Variants in DEFB112 observed in about 807,000 individuals in gnomAD.
The protein encoded by DEFB112 is beta-defensin 112.
Under a neutral mutation model 1.1 loss-of-function variants are expected in DEFB112, and 2 were observed. The ratio of observed to expected loss-of-function variants is 1.85; its 90% CI spans 0.76 to 5.83. The LOEUF (loss-of-function observed/expected upper bound fraction) is 5.83, where lower values mean the gene tolerates loss of function less well. Among genes scored for constraint, DEFB112 ranks in the 30% most tolerant of loss-of-function variants. The probability of loss-of-function intolerance (pLI) is 0.05; values close to 1 mark genes in which losing one functional copy is unlikely to be tolerated. For synonymous variants in DEFB112, 40 were observed against 31.2 expected, an observed-to-expected ratio of 1.28 and a Z score of -0.93; for missense variants, 120 against 94.4, an observed-to-expected ratio of 1.27 and a Z score of -1.12.
In DEFB112 at chr6:50,046,221, C is replaced by CTGTGTGTGTGTG. The variant is rs3057286; in HGVS notation, c.59-2432_59-2421dup. On this transcript the variant is annotated intron_variant, in intron 1 of 1. Transcript: ENST00000651554. Reference sequence around the variant, plus strand: ...TAATTCCATCATGAATTGAGGAGCACTGTGTGTGTGTGTGTGTGTGTGTGT... The same window carrying CTGTGTGTGTGTG: ...TAATTCCATCATGAATTGAGGAGCACTGTGTGTGTGTGTGTGTGTGTGTGTGTGTGTGTGTGT... Among the ~76,000 whole-genome samples, 249 of 141,272 alleles carry CTGTGTGTGTGTG rather than the reference C, an allele frequency of 1.8e-3. 1 individual carries two copies. Among genetic ancestry groups the CTGTGTGTGTGTG allele is most frequent in the African/African-American group, 3.9e-3 (151 of 38,250 alleles). 92.7% of individuals were successfully genotyped at this position (141,272 alleles called of 152,430 possible). A position where few individuals can be genotyped will look rare whatever the true frequency, so the allele number is the denominator to read the frequency against.
intron 1 of DEFB112, among the ~76,000 whole-genome samples, chr6:50,047,871 C>G (rs974172276): frequency 2.0e-5 from 3 of 152,096 alleles, no homozygotes; most frequent in Admixed American, 1.3e-4. Context: ...CTTGGCCAGG[C>G]GTGGTGGCTC....
Position 50,044,681 on chromosome 6 carries a change from AT to A in DEFB112, c.59-881del, listed in dbSNP as rs1774804615. 2.0e-5 allele frequency among the ~76,000 whole-genome samples: 3 copies of A among 152,072 alleles called. No homozygotes were observed. The South Asian group carries it at 6.2e-4, about 32-fold the overall frequency. On this transcript the variant is annotated intron_variant, in intron 1 of 1. Transcript: ENST00000651554. ...AGCCAGGTTTTGAATCTATATAATA[AT>A]TTTTAAATTAATTAAAAAGTTTAAT...
chr6:50,047,828 T>C (rs993144044), intron 1 of DEFB112, among the ~76,000 whole-genome samples: 1 of 152,172 alleles, frequency 6.6e-6, no homozygotes, highest in Non-Finnish European at 1.5e-5. Flanking sequence ...TATCAGTATT[T>C]TGAACAGTAG....
At chr6:50,047,429 A>G (rs1774852709) in intron 1 of DEFB112, among the ~76,000 whole-genome samples, 1 of 152,172 alleles carries the variant, frequency 6.6e-6, no homozygotes, top group South Asian at 2.1e-4. Context: ...TGTGCTATCT[A>G]GGCTTGGGAG....
chr6:50,044,369 G>C (rs1447007420), intron 1 of DEFB112, among the ~76,000 whole-genome samples: 1 of 152,094 alleles, frequency 6.6e-6, no homozygotes, highest in East Asian at 1.9e-4. Flanking sequence ...ATAACCACAA[G>C]CTGTGGACAT....
At chr6:50,044,164 T>G (rs1774796563) in intron 1 of DEFB112, among the ~76,000 whole-genome samples, 1 of 152,140 alleles carries the variant, frequency 6.6e-6, no homozygotes, top group South Asian at 2.1e-4. Context: ...TGTTCTGTGG[T>G]AAATGTTCTC....
intron 1 of DEFB112, among the ~76,000 whole-genome samples, chr6:50,044,526 A>T (rs948178819): frequency 6.6e-6 from 1 of 152,082 alleles, no homozygotes; most frequent in East Asian, 1.9e-4. Context: ...TGTAACTTCC[A>T]CAAGTATAAG....
intron 1 of DEFB112, among the ~76,000 whole-genome samples, chr6:50,046,300 T>G (rs1759518294): frequency 6.6e-6 from 1 of 151,912 alleles, no homozygotes; most frequent in Non-Finnish European, 1.5e-5. Flanking sequence ...TTTCTGGATT[T>G]TTAAATTTAT....
chr6:50,048,709 T>C, intron 1 of DEFB112: 1 of 1,242,930 alleles, frequency 8.0e-7, no homozygotes, highest in East Asian at 2.3e-5. Context: ...ACTTTAAAAG[T>C]AGGAGGAAAA....
chr6:50,047,117 G>C (rs1453161073), intron 1 of DEFB112, among the ~76,000 whole-genome samples: 1 of 152,194 alleles, frequency 6.6e-6, no homozygotes, highest in Non-Finnish European at 1.5e-5. Context: ...AACCGAGTGT[G>C]ATTATTGGGC....
In DEFB112 at chr6:50,042,799, C is replaced by T. The variant is rs1413276288; in HGVS notation, c.*776G>A. Among the ~76,000 whole-genome samples the T allele has an allele frequency of 6.6e-6, 1 of 151,822 alleles. No individual in the cohort carries two copies. The highest frequency in any genetic ancestry group is 1.5e-5 in the Non-Finnish European group (1 of 67,896). ...CTATAATAGAAATTATATGTGTGAG[C>T]ATGCATACACACATATATAATTCTG... is the stretch of plus-strand genomic sequence containing the variant. On this transcript the variant is annotated 3_prime_UTR_variant, in exon 2 of 2. Transcript: ENST00000651554.
At chr6:50,047,667 G>T (rs1191826500) in intron 1 of DEFB112, among the ~76,000 whole-genome samples, 3 of 152,104 alleles carry the variant, frequency 2.0e-5, no homozygotes, top group Non-Finnish European at 4.4e-5. Flanking sequence ...TAGTCAAAAA[G>T]AATTCTTTTA....
chr6:50,043,518 G>C lies in DEFB112; in HGVS notation c.*57C>G. 7.5e-7 allele frequency: 1 copy of C among 1,325,924 alleles called. No homozygotes were observed. Among genetic ancestry groups the C allele is most frequent in the South Asian group, 1.2e-5 (1 of 82,704 alleles). The allele number at this position is 1,325,924 out of a possible 1,614,324, so 82.1% of individuals were successfully genotyped here. On this transcript the variant is annotated 3_prime_UTR_variant, in exon 2 of 2. Coordinates refer to ENST00000651554, the MANE Select transcript of DEFB112 (RefSeq NM_001369057.2). Reference sequence around the variant, plus strand: ...GGAAATTATAGGTCATTAATGAAGTGATGAAATAATGAGAGGACTTCATTC... The same window carrying C: ...GGAAATTATAGGTCATTAATGAAGTCATGAAATAATGAGAGGACTTCATTC...
chr6:50,046,332 G>T (rs1444494942), intron 1 of DEFB112, among the ~76,000 whole-genome samples: 1 of 151,540 alleles, frequency 6.6e-6, no homozygotes, highest in East Asian at 1.9e-4. Flanking sequence ...TGAACTTTGT[G>T]GTTGGATGTA....
rs1774769675 is a variant in DEFB112 at position 50,042,985 on chromosome 6, A to G, written c.*590T>C. 6.6e-6 allele frequency among the ~76,000 whole-genome samples: 1 copy of G among 152,066 alleles called. No individual in the cohort carries two copies. Among genetic ancestry groups the G allele is most frequent in the Admixed American group, 6.6e-5 (1 of 15,228 alleles). ...CATTATCGTTATTGCCACAAGCTAC[A>G]GGGATTTACCATTCTTCTTTTCCTT... On this transcript the variant is annotated 3_prime_UTR_variant, in exon 2 of 2. Coordinates refer to ENST00000651554, the MANE Select transcript of DEFB112 (RefSeq NM_001369057.2).
rs941588066 is a variant in DEFB112 at position 50,042,330 on chromosome 6, C to T, written c.*1245G>A. Among the ~76,000 whole-genome samples, 61 of 151,946 alleles carry T rather than the reference C, an allele frequency of 4.0e-4. No homozygotes were observed. Among genetic ancestry groups the T allele is most frequent in the Non-Finnish European group, 1.0e-4 (7 of 67,922 alleles). ...AATTTGGACACCCAGATGCTTTTCC[C>T]TATGTGCCCAGGTACTGTGTACAGG... On this transcript the variant is annotated 3_prime_UTR_variant, in exon 2 of 2. Transcript: ENST00000651554.
intron 1 of DEFB112, among the ~76,000 whole-genome samples, 170 bp from the exon 2 acceptor site, chr6:50,043,971 A>T (rs1774792241): frequency 6.6e-6 from 1 of 152,140 alleles, no homozygotes; most frequent in Non-Finnish European, 1.5e-5. Flanking sequence ...ACAAGTATAC[A>T]GTTCCTAAAC....
Position 50,043,525 on chromosome 6 carries a change from T to C in DEFB112, c.*50A>G, listed in dbSNP as rs950800169. On this transcript the variant is annotated 3_prime_UTR_variant, in exon 2 of 2. Coordinates refer to ENST00000651554, the MANE Select transcript of DEFB112 (RefSeq NM_001369057.2). ...ATAGGTCATTAATGAAGTGATGAAA[T>C]AATGAGAGGACTTCATTCAGATGTA... is the stretch of plus-strand genomic sequence containing the variant. 1.4e-6 allele frequency: 2 copies of C among 1,420,400 alleles called. No homozygotes were observed. The highest frequency in any genetic ancestry group is 2.8e-5 in the African/African-American group (2 of 70,868). The allele number at this position is 1,420,400 out of a possible 1,614,324, so 88.0% of individuals were successfully genotyped here.
At position 50,042,672 on chromosome 6, in the gene DEFB112, G is replaced by GA. The variant is rs199543286; in HGVS notation, c.*902_*903insT. On this transcript the variant is annotated 3_prime_UTR_variant, in exon 2 of 2. Transcript: ENST00000651554. ...GAATAAGGGGAAAATCTTTAATCTA[G>GA]GTGAGGTATTAAGACCAACTGCTGA... Among the ~76,000 whole-genome samples the GA allele has an allele frequency of 0.015, 2,244 of 152,008 alleles. 56 individuals carry two copies. Among genetic ancestry groups the GA allele is most frequent in the African/African-American group, 0.051 (2,136 of 41,486 alleles).
Sources: allele counts gnomAD v4.1 joint callset (sites outside exome capture counted in the v4.1 genomes callset), GRCh38; gene constraint gnomAD v4.1.1; transcripts MANE v1.5; gene names NCBI Gene and HGNC (gene_info 2026-07-23, HGNC 2026-07-21).